Variants in MSH4 observed in about 807,000 individuals in gnomAD.
MSH4 encodes the protein mutS homolog 4.
Under a neutral mutation model 113.7 loss-of-function variants are expected in MSH4, and 106 were observed. The observed-to-expected ratio is 0.93, with a 90% CI of 0.80 to 1.10. The LOEUF (loss-of-function observed/expected upper bound fraction) is 1.10, where lower values mean the gene tolerates loss of function less well. Ranked by LOEUF, MSH4 falls within the 50% of genes least tolerant of loss-of-function variation. The pLI, the probability that MSH4 is intolerant of heterozygous loss-of-function variation, is 0.00. For synonymous variants in MSH4, 368 were observed against 380.2 expected, an observed-to-expected ratio of 0.97 and a Z score of 0.37; for missense variants, 1,061 against 1,093.7, an observed-to-expected ratio of 0.97 and a Z score of 0.42.
intron 16 of MSH4, among the ~76,000 whole-genome samples, 196 bp downstream of exon 16, chr1:75,889,565 A>G (rs1394629999): frequency 6.6e-6 from 1 of 152,192 alleles, no homozygotes; most frequent in Non-Finnish European, 1.5e-5. Context: ...GTGAAAATAT[A>G]ATTTTAAGAG....
At chr1:75,874,791 A>G (rs1443662687) in intron 9 of MSH4, among the ~76,000 whole-genome samples, 1 of 152,192 alleles carries the variant, frequency 6.6e-6, no homozygotes, top group Non-Finnish European at 1.5e-5. Context: ...AGGATTCCAT[A>G]TGTCAAGTGA....
At position 75,876,516 on chromosome 1, in the gene MSH4, T is replaced by C. The variant is rs115705852; in HGVS notation, c.1306-420T>C. On this transcript the variant is annotated intron_variant, in intron 9 of 19. Transcript: ENST00000263187. ...TTAAGCAAAATAAAATCCCTATTTT[T>C]ACTATATAAGAATTGAGAAATTGCT... Among the ~76,000 whole-genome samples the C allele has an allele frequency of 7.1e-3, 1,088 of 152,230 alleles. 13 individuals are homozygous for C. Among genetic ancestry groups the C allele is most frequent in the African/African-American group, 0.025 (1,032 of 41,570 alleles).
At chr1:75,858,498 C>A (rs140744932) in intron 8 of MSH4, among the ~76,000 whole-genome samples, 2 of 152,124 alleles carry the variant, frequency 1.3e-5, no homozygotes, top group African/African-American at 4.8e-5. Context: ...TTTCTGAAGG[C>A]CTTTTCTGCA....
At chr1:75,880,472 T>C (rs1651907041) in intron 13 of MSH4, among the ~76,000 whole-genome samples, 1 of 152,128 alleles carries the variant, frequency 6.6e-6, no homozygotes. Flanking sequence ...CTCAGCTTCT[T>C]ATACCTTGAT....
intron 7 of MSH4, among the ~76,000 whole-genome samples, chr1:75,822,962 A>G (rs1343173782): frequency 6.6e-6 from 1 of 152,218 alleles, no homozygotes; most frequent in Non-Finnish European, 1.5e-5. Context: ...TCTAAAAACT[A>G]GTACCTACTC....
intron 13 of MSH4, among the ~76,000 whole-genome samples, chr1:75,880,747 T>G (rs1651912977): frequency 6.6e-6 from 1 of 151,946 alleles, no homozygotes; most frequent in Non-Finnish European, 1.5e-5. Context: ...TATAAAAACT[T>G]AAATAATTAT....
intron 8 of MSH4, among the ~76,000 whole-genome samples, chr1:75,860,983 T>A (rs1254083950): frequency 6.6e-6 from 1 of 152,196 alleles, no homozygotes; most frequent in Non-Finnish European, 1.5e-5. Context: ...TTTTCTCTAA[T>A]CTTGTCTTCT....
chr1:75,856,173 G>A (rs1651312036), intron 8 of MSH4, among the ~76,000 whole-genome samples: 1 of 151,904 alleles, frequency 6.6e-6, no homozygotes. Flanking sequence ...TAGGTTTAAG[G>A]TAATTCAGTA....
At chr1:75,822,205 C>T (rs1014316906) in intron 6 of MSH4, among the ~76,000 whole-genome samples, 4 of 147,890 alleles carry the variant, frequency 2.7e-5, no homozygotes, top group Admixed American at 2.1e-4. Context: ...AGGAGAATGG[C>T]GTGAACCTTG....
chr1:75,850,727 TTTG>T (rs1410451822), intron 8 of MSH4, among the ~76,000 whole-genome samples: 1 of 152,110 alleles, frequency 6.6e-6, no homozygotes, highest in African/African-American at 2.4e-5. Flanking sequence ...GTTTTTTTGT[TTTG>T]TTTTGTTTTG....
intron 4 of MSH4, among the ~76,000 whole-genome samples, 165 bp downstream of exon 4, chr1:75,810,972 A>C: frequency 6.6e-6 from 1 of 152,030 alleles, no homozygotes; most frequent in Middle Eastern, 3.2e-3. Flanking sequence ...CCCGAGTTCG[A>C]GTGATTCTCC....
At chr1:75,877,805 T>C (rs963272365) in intron 10 of MSH4, among the ~76,000 whole-genome samples, 2 of 152,194 alleles carry the variant, frequency 1.3e-5, no homozygotes, top group African/African-American at 4.8e-5. Context: ...TTGATGTTTA[T>C]TGAGTGAATG....
intron 7 of MSH4, among the ~76,000 whole-genome samples, chr1:75,824,904 GTT>G (rs71588855): frequency 2.7e-4 from 33 of 120,228 alleles, no homozygotes; most frequent in South Asian, 8.1e-4. Context: ...CTTCAGCTTT[GTT>G]TTTTTTTTTT....
At chr1:75,872,321 G>A (rs1000078829) in intron 9 of MSH4, among the ~76,000 whole-genome samples, 1 of 152,072 alleles carries the variant, frequency 6.6e-6, no homozygotes, top group African/African-American at 2.4e-5. Flanking sequence ...TTTGTCTAGT[G>A]GTTAAGATAA....
In MSH4 at chr1:75,796,928, C is replaced by T. The variant is rs1005422926; in HGVS notation, c.-58C>T. 2 of 1,603,112 alleles carry T rather than the reference C, an allele frequency of 1.2e-6. No homozygotes were observed. Among genetic ancestry groups the T allele is most frequent in the Non-Finnish European group, 1.7e-6 (2 of 1,173,856 alleles). On this transcript the variant is annotated 5_prime_UTR_variant, in exon 1 of 20. Transcript: ENST00000263187. The stretch of plus-strand genomic sequence containing the variant: ...CAGCGGCGCAGCTTCTGTAGTTGGG[C>T]TACTGGAGGGGTCGCTCAGAAACCT...
intron 19 of MSH4, among the ~76,000 whole-genome samples, chr1:75,907,768 T>C (rs1459687324): frequency 1.4e-5 from 2 of 146,628 alleles, no homozygotes; most frequent in South Asian, 4.3e-4. Context: ...TGTTTTTTTT[T>C]CCCTCTGACT....
intron 19 of MSH4, among the ~76,000 whole-genome samples, chr1:75,903,804 A>G (rs1464034318): frequency 6.6e-6 from 1 of 152,042 alleles, no homozygotes; most frequent in Admixed American, 6.6e-5. Flanking sequence ...ATAATATGTC[A>G]TCTGTAAAAA....
intron 9 of MSH4, among the ~76,000 whole-genome samples, chr1:75,874,563 C>A (rs1196351820): frequency 4.4e-4 from 67 of 152,018 alleles, no homozygotes; most frequent in Non-Finnish European, 1.5e-4. Flanking sequence ...CTCAAGCAAT[C>A]CACCTGCCTC....
At chr1:75,842,300 G>A (rs1570962156) in intron 7 of MSH4, among the ~76,000 whole-genome samples, 1 of 152,136 alleles carries the variant, frequency 6.6e-6, no homozygotes, top group African/African-American at 2.4e-5. Flanking sequence ...GAGATAGCAG[G>A]TTGTAAAATG....
Sources: gnomAD v4.1 joint callset for allele counts (sites outside exome capture counted in the v4.1 genomes callset) on GRCh38, gnomAD v4.1.1 for gene constraint, MANE v1.5 for transcripts, NCBI Gene and HGNC (gene_info 2026-07-23, HGNC 2026-07-21) for gene names.